SIPA1L3: variants seen among roughly 807,000 people sequenced by gnomAD.
The protein encoded by SIPA1L3 is signal-induced proliferation-associated 1-like protein 3.
A neutral mutation model predicts 150.1 loss-of-function variants in SIPA1L3; 59 were observed. The observed-to-expected ratio is 0.39, with a 90% CI of 0.32 to 0.49. The LOEUF is 0.49. SIPA1L3 is among the 20% of genes least tolerant of loss of function. The pLI, the probability that SIPA1L3 is intolerant of heterozygous loss-of-function variation, is 0.86. For synonymous variants in SIPA1L3, 1,070 were observed against 1,077.6 expected (o/e 0.99, Z 0.14); for missense variants, 2,211 against 2,489.5 (o/e 0.89, Z 2.38).
intron 1 of SIPA1L3, among the ~76,000 whole-genome samples, chr19:37,997,877 A>G (rs999385684): frequency 4.0e-5 from 6 of 151,814 alleles, no homozygotes; most frequent in East Asian, 3.9e-4. Context: ...AAAAAAAAAA[A>G]AAAAGAAAAG....
chr19:38,150,912 G>A (rs1292585513), intron 12 of SIPA1L3, among the ~76,000 whole-genome samples: 1 of 152,122 alleles, frequency 6.6e-6, no homozygotes, highest in African/African-American at 2.4e-5. Flanking sequence ...AGGTGCTTCT[G>A]GCTGAAGTAA....
At chr19:38,063,182 G>A (rs1022779577) in intron 2 of SIPA1L3, among the ~76,000 whole-genome samples, 11 of 152,160 alleles carry the variant, frequency 7.2e-5, no homozygotes, top group African/African-American at 2.7e-4. Context: ...ATTACTGCCA[G>A]CAGCTGGGTT....
chr19:37,971,134 T>TTG lies in SIPA1L3; in HGVS notation c.-378-57953_-378-57952dup, dbSNP rs1249874294. Among the ~76,000 whole-genome samples the TTG allele has an allele frequency of 1.2e-4, 19 of 152,130 alleles. 1 individual carries two copies. The South Asian group carries it at 1.5e-3, about 12-fold the overall frequency. ...CCTCCCCCACCTCCCATGCTTTTTT[T>TTG]TGTTTGTTTGTTTGTTTGTTTGTTT... is the stretch of plus-strand genomic sequence containing the variant. On this transcript the variant is annotated intron_variant, in intron 1 of 21. Transcript: ENST00000222345.
intron 2 of SIPA1L3, among the ~76,000 whole-genome samples, chr19:38,078,725 T>G (rs977775330): frequency 6.6e-6 from 1 of 152,188 alleles, no homozygotes; most frequent in African/African-American, 2.4e-5. Context: ...AGAGGTCACC[T>G]TGAACCAAGT....
chr19:38,142,533 T>A (rs779545346), intron 11 of SIPA1L3, 40 bp from the exon 12 acceptor site: 2 of 1,575,276 alleles, frequency 1.3e-6, no homozygotes, highest in Non-Finnish European at 1.7e-6. Context: ...GGTACCCTCC[T>A]ACTCACCCTC....
intron 3 of SIPA1L3, among the ~76,000 whole-genome samples, chr19:38,087,539 G>C (rs1423306183): frequency 1.3e-5 from 2 of 152,304 alleles, no homozygotes; most frequent in East Asian, 1.9e-4. Flanking sequence ...GATCAAGACA[G>C]ACCGCTGGCG....
At chr19:38,101,719 C>T (rs1461934666) in intron 6 of SIPA1L3, among the ~76,000 whole-genome samples, 1 of 151,942 alleles carries the variant, frequency 6.6e-6, no homozygotes, top group African/African-American at 2.4e-5. Flanking sequence ...CCATGTGCAG[C>T]CACTTTGGAA....
intron 15 of SIPA1L3, among the ~76,000 whole-genome samples, chr19:38,179,614 T>TATATA: frequency 6.6e-6 from 1 of 152,190 alleles, no homozygotes; most frequent in South Asian, 2.1e-4. Context: ...CTTCTCCCTT[T>TATATA]TTTGTGCTCT....
intron 2 of SIPA1L3, among the ~76,000 whole-genome samples, chr19:38,034,289 T>C (rs1968727443): frequency 6.6e-6 from 1 of 152,192 alleles, no homozygotes; most frequent in Non-Finnish European, 1.5e-5. Flanking sequence ...TAATGGGTGC[T>C]GACTCTGTGC....
At chr19:38,190,119 C>T (rs951045997) in intron 16 of SIPA1L3, among the ~76,000 whole-genome samples, 1 of 152,098 alleles carries the variant, frequency 6.6e-6, no homozygotes, top group Non-Finnish European at 1.5e-5. Context: ...ACTGCTAGTG[C>T]AGAGAGCAAG....
chr19:37,955,088 CAAAA>C (rs34802797), intron 1 of SIPA1L3, among the ~76,000 whole-genome samples: 2 of 45,426 alleles, frequency 4.4e-5, no homozygotes, highest in Non-Finnish European at 4.2e-5. Flanking sequence ...TGCTGTCTCT[CAAAA>C]AAAAAAAAAA....
At chr19:38,096,853 A>G (rs149195312) in intron 4 of SIPA1L3, among the ~76,000 whole-genome samples, 288 of 152,344 alleles carry the variant, frequency 1.9e-3, no homozygotes, top group African/African-American at 6.3e-3. Flanking sequence ...TATCCTAGGC[A>G]TAAACCCAAA....
Position 38,192,306 on chromosome 19 carries a change from C to T in SIPA1L3, c.4592C>T (p.Thr1531Met), listed in dbSNP as rs150063338. 315 of 1,603,824 alleles carry T rather than the reference C, an allele frequency of 2.0e-4. No individual in the cohort carries two copies. In the East Asian group the frequency reaches 6.7e-3, roughly 34 times the overall value. ...CTGGGGCCAGAGCAGGAGAGAGACA[C>T]GGGAGTACGTAGGGCCCTGTCCCCC... is the stretch of plus-strand genomic sequence containing the variant. ...DNLGPEQERD[T>M]GQSPQKGLQR... The change falls in exon 17 of 22, where the codon ACG (threonine) becomes ATG (methionine). Residue 1531 changes from threonine (T) to methionine (M), a missense_variant. This residue lies in a region of SIPA1L3 where 806 missense variants were observed against 870.1 expected (regional missense o/e 0.93). Transcript: ENST00000222345.
chr19:37,941,071 T>TACACACAC (rs869026715), intron 1 of SIPA1L3, among the ~76,000 whole-genome samples: 1,677 of 133,058 alleles, frequency 0.013, 20 homozygotes, highest in East Asian at 0.035. Context: ...GTTTGAGATG[T>TACACACAC]ACACACACAC....
chr19:37,942,621 G>A (rs923379118), intron 1 of SIPA1L3, among the ~76,000 whole-genome samples: 2 of 151,968 alleles, frequency 1.3e-5, no homozygotes, highest in South Asian at 4.2e-4. Context: ...CTCTGGCTAC[G>A]GCGTGGAGCA....
intron 1 of SIPA1L3, among the ~76,000 whole-genome samples, chr19:37,935,097 GCAATGATGCCTCTCGTC>G (rs1332260819): frequency 6.6e-6 from 1 of 152,150 alleles, no homozygotes; most frequent in Non-Finnish European, 1.5e-5. Context: ...TAACAGTAGT[GCAATGATGCCTCTCGTC>G]CAGATAGAAG....
At chr19:38,184,231 TAC>T in intron 16 of SIPA1L3, 1 of 150,440 alleles carries the variant, frequency 6.6e-6, no homozygotes, top group East Asian at 2.0e-4. Context: ...CAGGCTGGAG[TAC>T]AATGACGTGA....
chr19:38,179,717 G>A (rs991301126), intron 15 of SIPA1L3, among the ~76,000 whole-genome samples: 5 of 152,254 alleles, frequency 3.3e-5, no homozygotes, highest in Non-Finnish European at 7.4e-5. Context: ...GAAGTTAAGA[G>A]AAGAAATAAG....
At chr19:38,155,696 T>G in intron 13 of SIPA1L3, among the ~76,000 whole-genome samples, 1 of 152,094 alleles carries the variant, frequency 6.6e-6, no homozygotes, top group East Asian at 1.9e-4. Flanking sequence ...GCTGACCCCA[T>G]CAGCACACCA....
Sources: allele counts gnomAD v4.1 joint callset (sites outside exome capture counted in the v4.1 genomes callset), GRCh38; gene constraint gnomAD v4.1.1; regional missense constraint gnomAD v4.1.1; transcripts MANE v1.5; gene names NCBI Gene and HGNC (gene_info 2026-07-23, HGNC 2026-07-21).